COL21A1: variants seen among roughly 807,000 people sequenced by gnomAD.
COL21A1 encodes collagen alpha-1(XXI) chain.
COL21A1 carries 149 observed loss-of-function variants against 137.9 expected under a neutral mutation model. That is an observed-to-expected ratio of 1.08 (90% CI 0.95 to 1.24). The LOEUF is 1.24. COL21A1 is among the 50% of genes most tolerant of loss of function. COL21A1 has a pLI of 0.00. For missense variants in COL21A1, 1,167 were observed against 1,158.4 expected (o/e 1.01, Z -0.11); for synonymous variants, 456 against 391.5 (o/e 1.16, Z -1.95).
intron 12 of COL21A1, among the ~76,000 whole-genome samples, chr6:56,137,291 T>C (rs918398801): frequency 1.3e-5 from 2 of 151,952 alleles, no homozygotes; most frequent in African/African-American, 4.8e-5. Flanking sequence ...GCAAAACATA[T>C]CAGGAATAAA....
At chr6:56,385,778 C>T (rs527535698) in intron 1 of COL21A1, among the ~76,000 whole-genome samples, 1 of 152,156 alleles carries the variant, frequency 6.6e-6, no homozygotes, top group Admixed American at 6.5e-5. Context: ...TGTGAATTTA[C>T]CTATTCTGAA....
At chr6:56,116,117 A>G (rs1406620599) in intron 16 of COL21A1, among the ~76,000 whole-genome samples, 1 of 152,072 alleles carries the variant, frequency 6.6e-6, no homozygotes, top group African/African-American at 2.4e-5. Flanking sequence ...TCAAAGGGTT[A>G]ACAGAGAACT....
chr6:56,083,002 AT>A (rs1460668890), intron 17 of COL21A1, among the ~76,000 whole-genome samples: 10 of 151,978 alleles, frequency 6.6e-5, no homozygotes, highest in African/African-American at 2.4e-4. Context: ...ATTGACAAGC[AT>A]TGATTAAAGT....
intron 17 of COL21A1, among the ~76,000 whole-genome samples, chr6:56,089,084 C>T (rs1044122134): frequency 1.3e-5 from 2 of 152,142 alleles, no homozygotes; most frequent in Non-Finnish European, 2.9e-5. Flanking sequence ...CCACCACACT[C>T]GGCTGAGATC....
chr6:56,181,299 T>A lies in COL21A1; in HGVS notation c.89-1170A>T, dbSNP rs2152281986. On this transcript the variant is annotated intron_variant, in intron 2 of 29. Transcript: ENST00000244728. ...ATGGAGTTCTGTCCAGAGGCAAACT[T>A]CCTAACCCAAGGGAATGCAATTTTT... Among the ~76,000 whole-genome samples, 8 of 152,270 alleles carry A rather than the reference T, an allele frequency of 5.3e-5. No homozygotes were observed. In the South Asian group the frequency reaches 1.7e-3, roughly 32 times the overall value.
chr6:56,254,551 T>C (rs1782924925), intron 1 of COL21A1, among the ~76,000 whole-genome samples: 1 of 152,236 alleles, frequency 6.6e-6, no homozygotes, highest in African/African-American at 2.4e-5. Flanking sequence ...CAGAATTAAA[T>C]TTCTATTAAT....
At chr6:56,365,270 A>G (rs1453489195) in intron 1 of COL21A1, among the ~76,000 whole-genome samples, 1 of 152,150 alleles carries the variant, frequency 6.6e-6, no homozygotes, top group Non-Finnish European at 1.5e-5. Flanking sequence ...ATTGTCGAAT[A>G]TTCCCCCACA....
At chr6:56,133,225 T>A (rs1773712542) in intron 12 of COL21A1, among the ~76,000 whole-genome samples, 1 of 152,164 alleles carries the variant, frequency 6.6e-6, no homozygotes. Flanking sequence ...ACATGGACAA[T>A]GAAACCCAGG....
chr6:56,347,119 G>A (rs1440066122), intron 1 of COL21A1, among the ~76,000 whole-genome samples: 2 of 152,152 alleles, frequency 1.3e-5, no homozygotes, highest in Non-Finnish European at 1.5e-5. Flanking sequence ...GATGCGCTCT[G>A]TCGGGCTGCC....
chr6:56,295,483 C>T (rs1399987988), intron 1 of COL21A1, among the ~76,000 whole-genome samples: 2 of 151,954 alleles, frequency 1.3e-5, no homozygotes, highest in African/African-American at 4.8e-5. Flanking sequence ...CACAAAGTAA[C>T]TTGTTGAGAT....
At chr6:56,243,364 C>T (rs554397638) in intron 1 of COL21A1, among the ~76,000 whole-genome samples, 1 of 152,210 alleles carries the variant, frequency 6.6e-6, no homozygotes, top group Admixed American at 6.5e-5. Context: ...TCAACTGGGA[C>T]CTTACAAAAA....
chr6:56,246,028 T>C (rs1253999210), intron 1 of COL21A1, among the ~76,000 whole-genome samples: 2 of 152,152 alleles, frequency 1.3e-5, no homozygotes, highest in African/African-American at 4.8e-5. Flanking sequence ...GCAAAGTCAT[T>C]CTATTTTTGA....
intron 1 of COL21A1, among the ~76,000 whole-genome samples, chr6:56,203,600 C>A (rs1779548035): frequency 1.3e-5 from 2 of 152,174 alleles, no homozygotes; most frequent in African/African-American, 4.8e-5. Flanking sequence ...GGGATTAGAT[C>A]AACGGGACCC....
At chr6:56,094,939 T>TA (rs1423392719) in intron 17 of COL21A1, among the ~76,000 whole-genome samples, 2 of 152,124 alleles carry the variant, frequency 1.3e-5, no homozygotes, top group Non-Finnish European at 2.9e-5. Flanking sequence ...ATCTTTAACT[T>TA]AATCATTTCT....
At chr6:56,123,051 G>T (rs1772688666) in intron 16 of COL21A1, among the ~76,000 whole-genome samples, 1 of 152,208 alleles carries the variant, frequency 6.6e-6, no homozygotes, top group Non-Finnish European at 1.5e-5. Flanking sequence ...TAATTAAAAT[G>T]AATGCTTAGG....
chr6:56,078,306 G>C (rs970485299), intron 17 of COL21A1: 31 of 439,912 alleles, frequency 7.0e-5, no homozygotes, highest in Non-Finnish European at 1.3e-4. Flanking sequence ...TACCCAACAT[G>C]ATCATTTATC....
chr6:56,356,730 C>T (rs935223849), intron 1 of COL21A1, among the ~76,000 whole-genome samples: 4 of 152,092 alleles, frequency 2.6e-5, no homozygotes, highest in African/African-American at 9.7e-5. Context: ...TCTGAAGAAG[C>T]TTTTGGATCT....
chr6:56,234,981 T>C lies in COL21A1; in HGVS notation c.-39+12406A>G, dbSNP rs181606864. ...ACTTCAGTTCGTGCATACTGAAACA[T>C]CTTATTTCCTACTTCTCCGCACCTA... On this transcript the variant is annotated intron_variant, in intron 1 of 29. Transcript: ENST00000244728. Among the ~76,000 whole-genome samples, 126 of 151,966 alleles carry C rather than the reference T, an allele frequency of 8.3e-4. 2 individuals are homozygous for C. Among genetic ancestry groups the C allele is most frequent in the Admixed American group, 8.1e-3 (124 of 15,222 alleles).
At chr6:56,263,655 C>T (rs1212473601) in intron 1 of COL21A1, among the ~76,000 whole-genome samples, 2 of 152,188 alleles carry the variant, frequency 1.3e-5, no homozygotes, top group Non-Finnish European at 2.9e-5. Flanking sequence ...AATCATAGCT[C>T]ACTTAAGCTG....
Sources: gnomAD v4.1 joint callset for allele counts (sites outside exome capture counted in the v4.1 genomes callset) on GRCh38, gnomAD v4.1.1 for gene constraint, MANE v1.5 for transcripts, NCBI Gene and HGNC (gene_info 2026-07-23, HGNC 2026-07-21) for gene names.